Variants in VTI1A observed in about 807,000 individuals in gnomAD.
VTI1A encodes the protein vesicle transport through interaction with t-SNAREs 1A.
Under a neutral mutation model 34.9 loss-of-function variants are expected in VTI1A, and 22 were observed. That is an observed-to-expected ratio of 0.63 (90% CI 0.45 to 0.90). The LOEUF (loss-of-function observed/expected upper bound fraction) is 0.90, where lower values mean the gene tolerates loss of function less well. Among genes scored for constraint, VTI1A ranks in the 40% least tolerant of loss-of-function variants. VTI1A has a pLI of 0.00. For synonymous variants in VTI1A, 87 were observed against 97.3 expected (o/e 0.89, Z 0.62); for missense variants, 268 against 275.6 (o/e 0.97, Z 0.20).
intron 3 of VTI1A, among the ~76,000 whole-genome samples, chr10:112,488,297 A>G (rs1397393611): frequency 6.6e-6 from 1 of 152,244 alleles, no homozygotes; most frequent in East Asian, 1.9e-4. Context: ...CTAAGTAAAT[A>G]TTTCTGAATG....
At chr10:112,701,263 T>G (rs1257032482) in intron 7 of VTI1A, among the ~76,000 whole-genome samples, 2 of 152,200 alleles carry the variant, frequency 1.3e-5, no homozygotes, top group Non-Finnish European at 2.9e-5. Flanking sequence ...AACCAACAAC[T>G]AGACCATTTA....
chr10:112,817,097 G>GACCACA lies in VTI1A; in HGVS notation c.*1714_*1715insACCACA. The GACCACA allele has an allele frequency of 4.3e-6, 1 of 232,682 alleles. No homozygotes were observed. Among genetic ancestry groups the GACCACA allele is most frequent in the Non-Finnish European group, 8.5e-6 (1 of 117,688 alleles). The allele number at this position is 232,682 out of a possible 1,614,324, so 14.4% of individuals were successfully genotyped here. ...TCTTGTATTCTGATAACGGAATGCT[G>GACCACA]TACGTGCTGACCACATCTAAGAACC... On this transcript the variant is annotated 3_prime_UTR_variant, in exon 8 of 8. Transcript: ENST00000393077.
At chr10:112,825,171 A>C in the VTI1A span, 1 of 152,276 alleles carries the variant, frequency 6.6e-6, no homozygotes, top group Non-Finnish European at 1.5e-5. Context: ...AACTGGGAGC[A>C]TGGAGCCTCC....
intron 3 of VTI1A, among the ~76,000 whole-genome samples, chr10:112,465,193 C>T (rs1847856671): frequency 6.6e-6 from 1 of 152,136 alleles, no homozygotes; most frequent in South Asian, 2.1e-4. Context: ...TTATTAATTG[C>T]CCATGAGAAT....
intron 4 of VTI1A, among the ~76,000 whole-genome samples, chr10:112,534,081 C>T (rs1424401527): frequency 6.6e-6 from 1 of 152,060 alleles, no homozygotes; most frequent in Middle Eastern, 3.2e-3. Flanking sequence ...ACATAGATAC[C>T]TAAGAATAGC....
At chr10:112,702,913 T>A in intron 7 of VTI1A, among the ~76,000 whole-genome samples, 1 of 152,150 alleles carries the variant, frequency 6.6e-6, no homozygotes, top group East Asian at 1.9e-4. Flanking sequence ...CTCAATAAAT[T>A]ATATTACTTT....
chr10:112,685,546 T>C (rs971688129), intron 7 of VTI1A, among the ~76,000 whole-genome samples: 2 of 152,224 alleles, frequency 1.3e-5, no homozygotes, highest in African/African-American at 4.8e-5. Flanking sequence ...TATAAAGCTT[T>C]ACCTTCTTAC....
chr10:112,527,171 T>C lies in VTI1A; in HGVS notation c.342+7T>C. 3.1e-6 allele frequency: 5 copies of C among 1,612,850 alleles called. No individual in the cohort carries two copies. The highest frequency in any genetic ancestry group is 4.2e-6 in the Non-Finnish European group (5 of 1,179,358). On this transcript the variant is annotated splice_region_variant and intron_variant, in intron 4 of 7. Coordinates refer to ENST00000393077, the MANE Select transcript of VTI1A (RefSeq NM_145206.4). Reference sequence around the variant, plus strand: ...GAATTCCTCAGAGAACCAGGTAGAATGCTAATCAGGAAGGCCCGGTGGGTG... The same window carrying C: ...GAATTCCTCAGAGAACCAGGTAGAACGCTAATCAGGAAGGCCCGGTGGGTG...
intron 5 of VTI1A, among the ~76,000 whole-genome samples, chr10:112,614,332 G>A (rs769720857): frequency 6.6e-6 from 1 of 152,154 alleles, no homozygotes; most frequent in Non-Finnish European, 1.5e-5. Flanking sequence ...CTAAGGTGGC[G>A]CTTTTATTTT....
At chr10:112,833,884 T>A in the VTI1A span, among the ~76,000 whole-genome samples, 3 of 152,190 alleles carry the variant, frequency 2.0e-5, no homozygotes, top group Non-Finnish European at 2.9e-5. Flanking sequence ...TCAAAGGGGC[T>A]GACTCCATCT....
Position 112,523,110 on chromosome 10 carries a change from G to A in VTI1A, c.265-3977G>A, listed in dbSNP as rs918978863. Among the ~76,000 whole-genome samples the A allele has an allele frequency of 2.6e-5, 4 of 151,960 alleles. No homozygotes were observed. The South Asian group carries it at 6.2e-4, about 24-fold the overall frequency. On this transcript the variant is annotated intron_variant, in intron 3 of 7. Coordinates refer to ENST00000393077, the MANE Select transcript of VTI1A (RefSeq NM_145206.4). ...TAATTAGTTTAAGCTAAGTTAATTC[G>A]TTTTGTTTCTAATTTAGCAGTGCCT... is the stretch of plus-strand genomic sequence containing the variant.
chr10:112,787,028 G>A lies in VTI1A; in HGVS notation c.561-28262G>A, dbSNP rs1459178169. Among the ~76,000 whole-genome samples the A allele has an allele frequency of 1.3e-5, 2 of 152,090 alleles. 1 individual carries two copies. The highest frequency in any genetic ancestry group is 3.8e-4 in the East Asian group (2 of 5,200). The stretch of plus-strand genomic sequence containing the variant: ...TGTAATTCATTATTTAAGCCATCTG[G>A]TCCTGGGCTTTTCTTTGTGGGAAGA... On this transcript the variant is annotated intron_variant, in intron 7 of 7. Coordinates refer to ENST00000393077, the MANE Select transcript of VTI1A (RefSeq NM_145206.4).
At chr10:112,717,823 C>A (rs1205798331) in intron 7 of VTI1A, among the ~76,000 whole-genome samples, 1 of 152,100 alleles carries the variant, frequency 6.6e-6, no homozygotes, top group East Asian at 1.9e-4. Flanking sequence ...GGCAGGTTGA[C>A]GAAGACCAGT....
chr10:112,792,459 C>A (rs1852516153), intron 7 of VTI1A, among the ~76,000 whole-genome samples: 1 of 151,964 alleles, frequency 6.6e-6, no homozygotes, highest in African/African-American at 2.4e-5. Flanking sequence ...CTGGCTCTCA[C>A]CTTAGTACCA....
intron 7 of VTI1A, among the ~76,000 whole-genome samples, chr10:112,727,967 A>G (rs1449101731): frequency 6.6e-6 from 1 of 152,078 alleles, no homozygotes; most frequent in Non-Finnish European, 1.5e-5. Flanking sequence ...TTTAATCCCA[A>G]CCTCACAGCC....
intron 5 of VTI1A, among the ~76,000 whole-genome samples, chr10:112,577,595 A>C (rs1159584249): frequency 6.6e-6 from 1 of 152,240 alleles, no homozygotes; most frequent in Non-Finnish European, 1.5e-5. Context: ...TTGTGAACAA[A>C]TAACATGCCA....
chr10:112,743,929 C>G (rs979370942), intron 7 of VTI1A, among the ~76,000 whole-genome samples: 1 of 152,078 alleles, frequency 6.6e-6, no homozygotes, highest in Non-Finnish European at 1.5e-5. Context: ...CTCAAGTTTC[C>G]TTATAAGACC....
chr10:112,835,797 A>G, the VTI1A span, among the ~76,000 whole-genome samples: 7 of 151,956 alleles, frequency 4.6e-5, no homozygotes, highest in Admixed American at 3.9e-4. Flanking sequence ...TTTAGTTAAA[A>G]CCTCATTAAA....
intron 5 of VTI1A, among the ~76,000 whole-genome samples, chr10:112,586,387 G>T (rs577403340): frequency 6.6e-6 from 1 of 152,146 alleles, no homozygotes; most frequent in Non-Finnish European, 1.5e-5. Flanking sequence ...ATTATGGTGC[G>T]AAGTGGGCGT....
Sources: gnomAD v4.1 joint callset for allele counts (sites outside exome capture counted in the v4.1 genomes callset) on GRCh38, gnomAD v4.1.1 for gene constraint, MANE v1.5 for transcripts, NCBI Gene and HGNC (gene_info 2026-07-23, HGNC 2026-07-21) for gene names.